The following FGF12 variants were observed in gnomAD, a reference collection of about 807,000 sequenced individuals.
The protein encoded by FGF12 is fibroblast growth factor 12, also known as fibroblast growth factor 12B.
FGF12 carries 14 observed loss-of-function variants against 23.6 expected under a neutral mutation model. The observed-to-expected ratio is 0.59, with a 90% CI of 0.39 to 0.93. The LOEUF (loss-of-function observed/expected upper bound fraction) is 0.93. Among genes scored for constraint, FGF12 ranks in the 40% least tolerant of loss-of-function variants. The pLI is 0.00. For missense variants in FGF12, 175 were observed against 217.8 expected (o/e 0.80, Z 1.24); for synonymous variants, 62 against 77.3 (o/e 0.80, Z 1.04).
At chr3:192,188,340 G>A (rs1029314923) in intron 4 of FGF12, among the ~76,000 whole-genome samples, 1 of 152,086 alleles carries the variant, frequency 6.6e-6, no homozygotes, top group African/African-American at 2.4e-5. Flanking sequence ...TTGAAACTAC[G>A]CACGTGTTTT....
chr3:192,635,274 G>A (rs1027778102), intron 2 of FGF12, among the ~76,000 whole-genome samples: 11 of 152,228 alleles, frequency 7.2e-5, no homozygotes, highest in South Asian at 4.1e-4. Context: ...CTTGTCCCCC[G>A]TGTTAGTGTT....
chr3:192,541,549 G>A (rs561070046), intron 2 of FGF12, among the ~76,000 whole-genome samples: 123 of 152,128 alleles, frequency 8.1e-4, no homozygotes, highest in Middle Eastern at 3.4e-3. Context: ...CTTAAGATGT[G>A]AGTAGTTTAC....
rs544899069 is a variant in FGF12 at position 192,480,186 on chromosome 3, T to C, written c.14-119648A>G. Among the ~76,000 whole-genome samples the C allele has an allele frequency of 2.4e-4, 36 of 152,292 alleles. No homozygotes were observed. The South Asian group carries it at 2.5e-3, about 11-fold the overall frequency. ...ACTGAAACAATTTCAGTGCTAAGCATTGATTATTATAGAGACAGAATAAAG... is the reference window on the plus strand; with the variant it reads ...ACTGAAACAATTTCAGTGCTAAGCACTGATTATTATAGAGACAGAATAAAG... On this transcript the variant is annotated intron_variant, in intron 2 of 5. Coordinates refer to ENST00000445105, the MANE Select transcript of FGF12 (RefSeq NM_004113.6).
intron 2 of FGF12, among the ~76,000 whole-genome samples, chr3:192,506,283 G>T (rs1286878181): frequency 6.6e-6 from 1 of 152,240 alleles, no homozygotes; most frequent in Non-Finnish European, 1.5e-5. Flanking sequence ...TTATCTCAAA[G>T]CCAGTGCCTG....
At chr3:192,446,277 G>C (rs115033756) in intron 2 of FGF12, among the ~76,000 whole-genome samples, 3,987 of 152,280 alleles carry the variant, frequency 0.026, 140 homozygotes, top group African/African-American at 0.083. Context: ...TGTATACCAA[G>C]TGAAAAACAT....
intron 2 of FGF12, among the ~76,000 whole-genome samples, chr3:192,694,551 G>T (rs1718047190): frequency 6.6e-6 from 1 of 151,778 alleles, no homozygotes; most frequent in Admixed American, 6.6e-5. Context: ...ATATATGTGT[G>T]TGTACATATA....
At chr3:192,298,365 A>G (rs1428518327) in intron 4 of FGF12, among the ~76,000 whole-genome samples, 1 of 152,240 alleles carries the variant, frequency 6.6e-6, no homozygotes, top group Non-Finnish European at 1.5e-5. Flanking sequence ...GGAGAACAAA[A>G]GAAGAAAGAA....
chr3:192,287,527 G>A (rs952704162), intron 4 of FGF12, among the ~76,000 whole-genome samples: 3 of 151,986 alleles, frequency 2.0e-5, no homozygotes, highest in African/African-American at 7.2e-5. Context: ...GAAAAGCTCC[G>A]AAAGCTAGCA....
chr3:192,454,532 G>GA (rs1301498564), intron 2 of FGF12, among the ~76,000 whole-genome samples: 3 of 151,190 alleles, frequency 2.0e-5, no homozygotes, highest in African/African-American at 4.9e-5. Context: ...AGTACAAGGA[G>GA]AAAAAAAAAT....
intron 2 of FGF12, among the ~76,000 whole-genome samples, chr3:192,525,596 A>C (rs541486081): frequency 6.6e-6 from 1 of 152,314 alleles, no homozygotes; most frequent in South Asian, 2.1e-4. Context: ...CATACTGCCA[A>C]AATAATCACC....
intron 3 of FGF12, among the ~76,000 whole-genome samples, chr3:192,351,770 C>T (rs1718229815): frequency 6.6e-6 from 1 of 152,126 alleles, no homozygotes; most frequent in Admixed American, 6.6e-5. Context: ...CAGCTGTAAA[C>T]AAATGCATAA....
chr3:192,320,470 A>G (rs1002156159), intron 4 of FGF12, among the ~76,000 whole-genome samples: 7 of 152,208 alleles, frequency 4.6e-5, no homozygotes, highest in Non-Finnish European at 4.4e-5. Context: ...AATAGGCTTA[A>G]TAAATACAGA....
intron 2 of FGF12, among the ~76,000 whole-genome samples, chr3:192,717,956 A>G (rs1172497631): frequency 6.6e-6 from 1 of 152,164 alleles, no homozygotes; most frequent in Non-Finnish European, 1.5e-5. Flanking sequence ...TGCTTCTTCT[A>G]TCTAAAATGA....
intron 2 of FGF12, among the ~76,000 whole-genome samples, chr3:192,475,789 A>G (rs1373090890): frequency 1.3e-5 from 2 of 152,180 alleles, no homozygotes; most frequent in African/African-American, 2.4e-5. Context: ...CACAACTTCT[A>G]TGTGTCTGAA....
intron 4 of FGF12, among the ~76,000 whole-genome samples, chr3:192,209,277 A>G (rs953952807): frequency 6.6e-6 from 1 of 152,154 alleles, no homozygotes; most frequent in African/African-American, 2.4e-5. Flanking sequence ...TGTGGATGTA[A>G]TGGCTAGAAT....
intron 2 of FGF12, among the ~76,000 whole-genome samples, chr3:192,363,110 G>C (rs745777880): frequency 7.0e-6 from 1 of 142,606 alleles, no homozygotes; most frequent in Non-Finnish European, 1.5e-5. Context: ...GAGGGGGGAG[G>C]GATAGCATTA....
intron 4 of FGF12, among the ~76,000 whole-genome samples, chr3:192,298,710 C>T (rs999183529): frequency 6.6e-6 from 1 of 152,092 alleles, no homozygotes; most frequent in Non-Finnish European, 1.5e-5. Context: ...TGCCACTGCA[C>T]TCCAGCCTGG....
chr3:192,606,296 C>T (rs1338166015), intron 2 of FGF12, among the ~76,000 whole-genome samples: 1 of 152,092 alleles, frequency 6.6e-6, no homozygotes, highest in Non-Finnish European at 1.5e-5. Context: ...TGCATGTTCT[C>T]GCTTACAAAT....
intron 4 of FGF12, among the ~76,000 whole-genome samples, chr3:192,259,856 C>T (rs779805301): frequency 2.0e-5 from 3 of 151,780 alleles, no homozygotes; most frequent in Admixed American, 6.6e-5. Flanking sequence ...TGAGGTTTCA[C>T]GACCAATGAT....
Sources: allele counts gnomAD v4.1 joint callset (sites outside exome capture counted in the v4.1 genomes callset), GRCh38; gene constraint gnomAD v4.1.1; transcripts MANE v1.5; gene names NCBI Gene and HGNC (gene_info 2026-07-23, HGNC 2026-07-21).